Variants in CADM2 observed in about 807,000 individuals in gnomAD.
CADM2 encodes the protein immunoglobulin superfamily member 4D.
Under a neutral mutation model 49.8 loss-of-function variants are expected in CADM2, and 12 were observed. The observed-to-expected ratio is 0.24, with a 90% confidence interval of 0.15 to 0.39. CADM2 has a LOEUF of 0.39. Ranked by LOEUF, CADM2 falls within the 10% of genes least tolerant of loss-of-function variation. The pLI is 1.00. For synonymous variants in CADM2, 214 were observed against 175.4 expected (o/e 1.22, Z -1.74); for missense variants, 378 against 492.3 (o/e 0.77, Z 2.20).
chr3:85,721,328 A>T (rs1035912991), intron 1 of CADM2, among the ~76,000 whole-genome samples: 4 of 152,140 alleles, frequency 2.6e-5, no homozygotes, highest in Non-Finnish European at 4.4e-5. Context: ...TGAAGTTGTT[A>T]TGGGATCTTT....
chr3:85,270,117 CAG>C (rs1444441303), intron 1 of CADM2, among the ~76,000 whole-genome samples: 1 of 151,218 alleles, frequency 6.6e-6, no homozygotes, highest in Admixed American at 6.6e-5. Flanking sequence ...ACAATTGCCT[CAG>C]AAATTTTACT....
Position 85,787,950 on chromosome 3 carries a change from T to A in CADM2, c.89-14097T>A, listed in dbSNP as rs999342610. Among the ~76,000 whole-genome samples, 3 of 152,116 alleles carry A rather than the reference T, an allele frequency of 2.0e-5. No individual in the cohort carries two copies. The South Asian group carries it at 6.2e-4, about 31-fold the overall frequency. On this transcript the variant is annotated intron_variant, in intron 2 of 9. Coordinates refer to ENST00000383699, the MANE Select transcript of CADM2 (RefSeq NM_001167675.2). ...CTGCCTCTAGCTCAGGACTTTTGCA[T>A]TAGCTGATTTACTTTTTGGAATACT...
chr3:85,814,345 A>G lies in CADM2; in HGVS notation c.238+12149A>G, dbSNP rs1438825619. Among the ~76,000 whole-genome samples, 3 of 152,090 alleles carry G rather than the reference A, an allele frequency of 2.0e-5. No individual in the cohort carries two copies. The South Asian group carries it at 6.2e-4, about 32-fold the overall frequency. On this transcript the variant is annotated intron_variant, in intron 3 of 9. Coordinates refer to ENST00000383699, the MANE Select transcript of CADM2 (RefSeq NM_001167675.2). The stretch of plus-strand genomic sequence containing the variant: ...CACTCATGATTTGGTCTCTGTTTGT[A>G]TGTTATTGATGTATAGGAATGCTTG...
intron 1 of CADM2, among the ~76,000 whole-genome samples, chr3:85,529,748 A>C (rs1178957346): frequency 1.3e-5 from 2 of 151,932 alleles, no homozygotes; most frequent in African/African-American, 2.4e-5. Flanking sequence ...TATTTCCACT[A>C]TCCGGGCCTC....
At chr3:85,644,007 A>T (rs1174305231) in intron 1 of CADM2, among the ~76,000 whole-genome samples, 1 of 152,118 alleles carries the variant, frequency 6.6e-6, no homozygotes, top group Non-Finnish European at 1.5e-5. Context: ...GCATTTAACT[A>T]TTGGATATTT....
chr3:85,631,437 A>T (rs2064302242), intron 1 of CADM2, among the ~76,000 whole-genome samples: 1 of 152,128 alleles, frequency 6.6e-6, no homozygotes, highest in Non-Finnish European at 1.5e-5. Flanking sequence ...TTGAAATAAC[A>T]TTCATGTATT....
intron 1 of CADM2, among the ~76,000 whole-genome samples, chr3:85,473,132 A>C (rs1576618379): frequency 6.6e-6 from 1 of 152,080 alleles, no homozygotes. Flanking sequence ...CAGTTACTAC[A>C]ATGTGTTACT....
intron 8 of CADM2, chr3:86,014,017 GA>G: frequency 7.2e-7 from 1 of 1,385,270 alleles, no homozygotes; most frequent in African/African-American, 1.4e-5. Context: ...TTTTTCCCTT[GA>G]TCACAACTGC....
intron 1 of CADM2, among the ~76,000 whole-genome samples, chr3:85,530,902 ACACACACACAC>A (rs1559890267): frequency 6.7e-6 from 1 of 149,604 alleles, no homozygotes; most frequent in African/African-American, 2.5e-5. Context: ...ACACACACAC[ACACACACACAC>A]AAAATTCATT....
chr3:85,816,621 G>A (rs762589242), intron 3 of CADM2, among the ~76,000 whole-genome samples: 14 of 151,882 alleles, frequency 9.2e-5, no homozygotes, highest in South Asian at 4.2e-4. Flanking sequence ...TTCAAATATC[G>A]TTTTTCAAAT....
chr3:85,139,668 C>T (rs1049214077), intron 1 of CADM2, among the ~76,000 whole-genome samples: 1 of 151,730 alleles, frequency 6.6e-6, no homozygotes, highest in African/African-American at 2.4e-5. Flanking sequence ...TGAAAAAAAG[C>T]CATGTAATAG....
intron 8 of CADM2, among the ~76,000 whole-genome samples, chr3:86,050,422 T>G (rs1236163508): frequency 6.6e-6 from 1 of 152,126 alleles, no homozygotes; most frequent in Non-Finnish European, 1.5e-5. Flanking sequence ...AAGCTGTCAG[T>G]GGATCTACCA....
chr3:85,593,592 G>A (rs1022695337), intron 1 of CADM2, among the ~76,000 whole-genome samples: 22 of 152,010 alleles, frequency 1.4e-4, no homozygotes, highest in African/African-American at 4.1e-4. Context: ...AGGCATTATC[G>A]GCACGCAGAA....
intron 8 of CADM2, among the ~76,000 whole-genome samples, chr3:86,025,320 G>A (rs766389069): frequency 3.9e-5 from 6 of 152,086 alleles, no homozygotes; most frequent in Non-Finnish European, 5.9e-5. Context: ...GCCTCCCAAA[G>A]TGCAGGGATT....
intron 8 of CADM2, among the ~76,000 whole-genome samples, chr3:86,001,068 A>C (rs2108740721): frequency 6.6e-6 from 1 of 152,274 alleles, no homozygotes; most frequent in Non-Finnish European, 1.5e-5. Flanking sequence ...GATTAATATT[A>C]GCATGCAAAA....
intron 3 of CADM2, among the ~76,000 whole-genome samples, chr3:85,819,155 G>A (rs2073398569): frequency 6.6e-6 from 1 of 152,184 alleles, no homozygotes; most frequent in Admixed American, 6.5e-5. Flanking sequence ...TTCAAGGGCA[G>A]GAAGCATTCC....
intron 1 of CADM2, among the ~76,000 whole-genome samples, chr3:85,295,875 T>C (rs1243844533): frequency 6.6e-6 from 1 of 151,578 alleles, no homozygotes; most frequent in African/African-American, 2.4e-5. Context: ...CATGTATACA[T>C]ATGTAACTAA....
At chr3:85,999,669 GAAAGAA>G (rs1198248541) in intron 8 of CADM2, among the ~76,000 whole-genome samples, 1 of 151,306 alleles carries the variant, frequency 6.6e-6, no homozygotes, top group Non-Finnish European at 1.5e-5. Flanking sequence ...AAGAAAGAAA[GAAAGAA>G]AAAGAAAGAA....
At chr3:85,647,887 T>G (rs1484785993) in intron 1 of CADM2, among the ~76,000 whole-genome samples, 1 of 151,866 alleles carries the variant, frequency 6.6e-6, no homozygotes, top group Admixed American at 6.6e-5. Flanking sequence ...ACTCAGTTGA[T>G]TAGTGTTTAT....
Sources: allele counts gnomAD v4.1 joint callset (sites outside exome capture counted in the v4.1 genomes callset), GRCh38; gene constraint gnomAD v4.1.1; transcripts MANE v1.5; gene names NCBI Gene and HGNC (gene_info 2026-07-23, HGNC 2026-07-21).